The following LPP variants were observed in gnomAD, a reference collection of about 807,000 sequenced individuals.
The protein encoded by LPP is lipoma-preferred partner.
A neutral mutation model predicts 60.4 loss-of-function variants in LPP; 38 were observed. That is an observed-to-expected ratio of 0.63 (90% CI 0.49 to 0.83). LPP has a LOEUF of 0.83. Among genes scored for constraint, LPP ranks in the 40% least tolerant of loss-of-function variants. LPP has a pLI of 0.00. For missense variants in LPP, 902 were observed against 783.6 expected (o/e 1.15, Z -1.80); for synonymous variants, 328 against 290.8 (o/e 1.13, Z -1.30).
chr3:188,851,926 G>T (rs9840755), intron 9 of LPP, among the ~76,000 whole-genome samples: 12,090 of 152,196 alleles, frequency 0.079, 615 homozygotes, highest in African/African-American at 0.15. Flanking sequence ...ACACTGGGAG[G>T]CTGAGGCAGG....
At chr3:188,723,501 T>C (rs895364637) in intron 8 of LPP, among the ~76,000 whole-genome samples, 3 of 152,140 alleles carry the variant, frequency 2.0e-5, no homozygotes, top group African/African-American at 7.2e-5. Context: ...GGACCCTCTA[T>C]TGAACGTCTG....
In LPP at chr3:188,721,736, C is replaced by T. The variant is rs1163757273; in HGVS notation, c.1240+13343C>T. 3.9e-5 allele frequency among the ~76,000 whole-genome samples: 6 copies of T among 152,058 alleles called. No individual in the cohort carries two copies. In the East Asian group the frequency reaches 5.8e-4, roughly 15 times the overall value. On this transcript the variant is annotated intron_variant, in intron 8 of 11. Coordinates refer to ENST00000617246, the MANE Select transcript of LPP (RefSeq NM_001375462.1). ...GCATAATTTTTTCTTTTTTCTTTTG[C>T]ATGCGGAGTCATCATGTTCTTGTGA...
At chr3:188,741,929 A>G (rs1724580419) in intron 8 of LPP, among the ~76,000 whole-genome samples, 1 of 152,108 alleles carries the variant, frequency 6.6e-6, no homozygotes, top group Non-Finnish European at 1.5e-5. Flanking sequence ...AGAAATAATT[A>G]TTAAAACTCA....
At chr3:188,694,509 C>A (rs900910609) in intron 7 of LPP, among the ~76,000 whole-genome samples, 1 of 151,774 alleles carries the variant, frequency 6.6e-6, no homozygotes, top group African/African-American at 2.4e-5. Context: ...TGGAGACCAT[C>A]CTGACCAACA....
chr3:188,297,931 T>C (rs1748488595), intron 2 of LPP, among the ~76,000 whole-genome samples: 1 of 152,206 alleles, frequency 6.6e-6, no homozygotes, highest in South Asian at 2.1e-4. Context: ...TATCTTTGAA[T>C]TGGGAGCCTA....
Position 188,890,379 on chromosome 3 carries a change from C to G in LPP, c.*15900C>G, listed in dbSNP as rs151043593. 2.3e-4 allele frequency: 46 copies of G among 203,058 alleles called. No homozygotes were observed. The highest frequency in any genetic ancestry group is 4.5e-4 in the Non-Finnish European group (44 of 98,864). The allele number at this position is 203,058 out of a possible 1,614,324, so 12.6% of individuals were successfully genotyped here. On this transcript the variant is annotated 3_prime_UTR_variant, in exon 12 of 12. Coordinates refer to ENST00000617246, the MANE Select transcript of LPP (RefSeq NM_001375462.1). ...ATTCTTAGCAAATTGCATTTATTCA[C>G]TACATTACAAACCATCACTGATGTA...
At chr3:188,441,412 A>T (rs1379652930) in intron 4 of LPP, among the ~76,000 whole-genome samples, 1 of 151,940 alleles carries the variant, frequency 6.6e-6, no homozygotes, top group Non-Finnish European at 1.5e-5. Flanking sequence ...TTTAAATAAA[A>T]ATAAAACTGC....
At chr3:188,186,412 C>A (rs1390815306) in intron 1 of LPP, among the ~76,000 whole-genome samples, 1 of 152,074 alleles carries the variant, frequency 6.6e-6, no homozygotes, top group East Asian at 1.9e-4. Flanking sequence ...AAGAGAAGTT[C>A]TTAAAAGAGG....
chr3:188,591,602 C>G (rs1838720136), intron 6 of LPP, among the ~76,000 whole-genome samples: 1 of 152,148 alleles, frequency 6.6e-6, no homozygotes, highest in East Asian at 1.9e-4. Context: ...CTCATCATTT[C>G]TTGCCTGGAT....
chr3:188,459,968 A>C (rs986120571), intron 4 of LPP, among the ~76,000 whole-genome samples: 1 of 152,202 alleles, frequency 6.6e-6, no homozygotes, highest in South Asian at 2.1e-4. Flanking sequence ...TCTACCTTCA[A>C]GGAAATACTG....
At chr3:188,734,872 T>C (rs1321522248) in intron 8 of LPP, among the ~76,000 whole-genome samples, 2 of 152,208 alleles carry the variant, frequency 1.3e-5, no homozygotes, top group African/African-American at 4.8e-5. Context: ...GTCAAGAGCC[T>C]GAGGGTATTG....
At chr3:188,698,381 C>T (rs1221491575) in intron 7 of LPP, among the ~76,000 whole-genome samples, 2 of 152,068 alleles carry the variant, frequency 1.3e-5, no homozygotes, top group Non-Finnish European at 2.9e-5. Flanking sequence ...TAATATATAA[C>T]ATCCATAAAG....
At chr3:188,441,733 A>G (rs1373309498) in intron 4 of LPP, among the ~76,000 whole-genome samples, 3 of 140,648 alleles carry the variant, frequency 2.1e-5, no homozygotes, top group East Asian at 2.2e-4. Context: ...CCATTCTCCC[A>G]CCTCAGCCTC....
At chr3:188,695,096 C>T (rs1862966639) in intron 7 of LPP, among the ~76,000 whole-genome samples, 2 of 152,250 alleles carry the variant, frequency 1.3e-5, no homozygotes, top group South Asian at 4.2e-4. Flanking sequence ...AGAATAGAAG[C>T]CACCTAATAT....
chr3:188,313,717 G>A (rs1041269535), intron 2 of LPP, among the ~76,000 whole-genome samples: 1 of 151,924 alleles, frequency 6.6e-6, no homozygotes, highest in Non-Finnish European at 1.5e-5. Flanking sequence ...TTATTTGTTA[G>A]CATTACATGC....
At chr3:188,557,640 C>T (rs1829783581) in intron 6 of LPP, among the ~76,000 whole-genome samples, 2 of 152,022 alleles carry the variant, frequency 1.3e-5, no homozygotes, top group African/African-American at 4.8e-5. Context: ...TCTGTGTAGT[C>T]CATGCCACAA....
chr3:188,252,919 A>G (rs961400005), intron 2 of LPP, among the ~76,000 whole-genome samples: 1 of 152,010 alleles, frequency 6.6e-6, no homozygotes, highest in Non-Finnish European at 1.5e-5. Context: ...TTGCAGGTGC[A>G]TGTCACCATA....
chr3:188,163,668 A>G (rs73190737), intron 1 of LPP, among the ~76,000 whole-genome samples: 6,855 of 152,004 alleles, frequency 0.045, 205 homozygotes, highest in Middle Eastern at 0.1. Flanking sequence ...GTGGCCAGGC[A>G]TGGTGGCTCA....
At position 188,609,782 on chromosome 3, in the gene LPP, C is replaced by T; in HGVS notation, c.1051C>T (p.Pro351Ser). The change falls in exon 7 of 12, where the codon CCC becomes TCC. Residue 351 changes from proline to serine, a missense_variant. Physicochemically the swap from Pro to Ser is moderately conservative, Grantham distance 74. Coordinates refer to ENST00000617246, the MANE Select transcript of LPP (RefSeq NM_001375462.1). This position sits in a 1 kb window ranked among gnomAD's most constrained non-coding sequence, Gnocchi z 6.9. ...NPPGMYPVTG[P>S]KKTYITDPVS... ...TCCTGGGATGTATCCAGTCACTGGT[C>T]CCAAGAAGACCTATATCACAGATCC... 1.2e-6 allele frequency: 2 copies of T among 1,613,980 alleles called. No individual in the cohort carries two copies. The highest frequency in any genetic ancestry group is 1.7e-6 in the Non-Finnish European group (2 of 1,179,970).
Sources: gnomAD v4.1 joint callset for allele counts (sites outside exome capture counted in the v4.1 genomes callset) on GRCh38, gnomAD v4.1.1 for gene constraint, Gnocchi (gnomAD v3.1) non-coding constraint, MANE v1.5 for transcripts, NCBI Gene and HGNC (gene_info 2026-07-23, HGNC 2026-07-21) for gene names.